Variants in RELCH observed in about 807,000 individuals in gnomAD.
The protein encoded by RELCH is RAB11-binding protein RELCH.
In RELCH, 41 loss-of-function variants were observed where a neutral mutation model predicts 150.3. The ratio of observed to expected loss-of-function variants is 0.27; its 90% confidence interval spans 0.21 to 0.35. RELCH has a LOEUF of 0.35. Ranked by LOEUF, RELCH falls within the 10% of genes least tolerant of loss-of-function variation. RELCH has a pLI of 1.00. For synonymous variants in RELCH, 478 were observed against 531.8 expected, an observed-to-expected ratio of 0.90 and a Z score of 1.39; for missense variants, 1,092 against 1,467.8, an observed-to-expected ratio of 0.74 and a Z score of 4.18.
intron 26 of RELCH, 23 bp from the exon 27 acceptor site, chr18:62,291,520 T>C: frequency 6.6e-7 from 1 of 1,514,238 alleles, no homozygotes; most frequent in Non-Finnish European, 9.1e-7. Flanking sequence ...TTTGTTTAAT[T>C]CCCTTAACTA....
At chr18:62,205,081 A>T (rs1041259098) in intron 1 of RELCH, among the ~76,000 whole-genome samples, 1 of 152,216 alleles carries the variant, frequency 6.6e-6, no homozygotes, top group African/African-American at 2.4e-5. Flanking sequence ...TCATATCAAT[A>T]CATCTTTTCA....
chr18:62,187,624 G>C lies in RELCH; in HGVS notation c.119G>C (p.Arg40Pro), dbSNP rs949180728. The change falls in exon 1 of 29, where the codon CGG (arginine) becomes CCG (proline). Residue 40 changes from arginine (R) to proline (P), a missense_variant. Coordinates refer to ENST00000644646, the MANE Select transcript of RELCH (RefSeq NM_001346231.2). ...AATEERRAVL[R>P]LGAGSGLDPG... ...ACAGAGGAACGGCGGGCAGTACTTC[G>C]GCTGGGCGCCGGAAGTGGCCTAGAT... The C allele has an allele frequency of 2.0e-6, 3 of 1,536,890 alleles. No individual in the cohort carries two copies. In the African/African-American group the frequency reaches 4.1e-5, roughly 21 times the overall value.
chr18:62,204,768 A>G (rs1301143070), intron 1 of RELCH, among the ~76,000 whole-genome samples: 1 of 152,214 alleles, frequency 6.6e-6, no homozygotes, highest in Non-Finnish European at 1.5e-5. Context: ...TATCCACAAT[A>G]TTTTGAAATT....
intron 19 of RELCH, among the ~76,000 whole-genome samples, chr18:62,267,790 AG>A (rs1166492389): frequency 2.6e-5 from 4 of 151,876 alleles, no homozygotes; most frequent in African/African-American, 7.2e-5. Context: ...TGAAGAAAAA[AG>A]GTAAATATTT....
chr18:62,253,813 C>G (rs2042854776), intron 12 of RELCH, among the ~76,000 whole-genome samples: 1 of 152,128 alleles, frequency 6.6e-6, no homozygotes, highest in Non-Finnish European at 1.5e-5. Context: ...GGGTGAGGTT[C>G]TAATCACTTG....
chr18:62,205,387 C>T (rs1599817326), intron 1 of RELCH, among the ~76,000 whole-genome samples: 1 of 152,172 alleles, frequency 6.6e-6, no homozygotes, highest in African/African-American at 2.4e-5. Flanking sequence ...CCTACCCCTT[C>T]TAGCCCTTTA....
At chr18:62,271,912 A>G (rs1223794942) in intron 20 of RELCH, among the ~76,000 whole-genome samples, 1 of 151,956 alleles carries the variant, frequency 6.6e-6, no homozygotes, top group East Asian at 1.9e-4. Context: ...GTGTGGTGTT[A>G]TTTCTGAGGC....
At chr18:62,217,802 T>G (rs2040579989) in intron 2 of RELCH, among the ~76,000 whole-genome samples, 1 of 151,884 alleles carries the variant, frequency 6.6e-6, no homozygotes, top group South Asian at 2.1e-4. Context: ...AACTTTGAGA[T>G]GAGTGATAGA....
At chr18:62,211,489 T>C (rs931548350) in intron 2 of RELCH, among the ~76,000 whole-genome samples, 2 of 152,202 alleles carry the variant, frequency 1.3e-5, no homozygotes, top group Non-Finnish European at 2.9e-5. Context: ...AGCCAGCAGT[T>C]TACAACCACA....
intron 11 of RELCH, among the ~76,000 whole-genome samples, chr18:62,252,130 G>C (rs1160037406): frequency 2.6e-5 from 4 of 151,494 alleles, no homozygotes; most frequent in Non-Finnish European, 5.9e-5. Flanking sequence ...CGAGTAGCTG[G>C]GACTACAGTC....
At chr18:62,241,704 A>G (rs1186151545) in intron 10 of RELCH, among the ~76,000 whole-genome samples, 5 of 152,138 alleles carry the variant, frequency 3.3e-5, no homozygotes, top group African/African-American at 1.2e-4. Flanking sequence ...TTTTAAGACT[A>G]TACTTTTTCA....
At chr18:62,233,619 A>T (rs2148444376) in intron 10 of RELCH, among the ~76,000 whole-genome samples, 1 of 152,096 alleles carries the variant, frequency 6.6e-6, no homozygotes, top group East Asian at 1.9e-4. Flanking sequence ...GTCTTGAAGG[A>T]TCAGTGTCCA....
At chr18:62,275,170 C>T (rs570710447) in intron 21 of RELCH, among the ~76,000 whole-genome samples, 4 of 152,290 alleles carry the variant, frequency 2.6e-5, no homozygotes, top group African/African-American at 7.2e-5. Flanking sequence ...CCACCTTATC[C>T]TCTCAAAGTG....
At chr18:62,273,444 A>AT (rs2144840539) in intron 20 of RELCH, among the ~76,000 whole-genome samples, 1 of 152,172 alleles carries the variant, frequency 6.6e-6, no homozygotes, top group Admixed American at 6.5e-5. Flanking sequence ...ATTTTCTACT[A>AT]TTTTTTCTAC....
chr18:62,251,613 A>G (rs1279750973), intron 11 of RELCH, among the ~76,000 whole-genome samples: 1 of 152,194 alleles, frequency 6.6e-6, no homozygotes, highest in African/African-American at 2.4e-5. Context: ...ACTCAAAGAG[A>G]TGCGATCATT....
At chr18:62,257,256 A>C (rs1218942503) in intron 13 of RELCH, among the ~76,000 whole-genome samples, 4 of 152,214 alleles carry the variant, frequency 2.6e-5, no homozygotes, top group South Asian at 2.1e-4. Context: ...ACTCTTTATC[A>C]TAACTGGAAA....
At chr18:62,197,057 A>C (rs1037019941) in intron 1 of RELCH, among the ~76,000 whole-genome samples, 6 of 152,182 alleles carry the variant, frequency 3.9e-5, no homozygotes, top group Non-Finnish European at 5.9e-5. Flanking sequence ...CTTTATCCTG[A>C]GTAAGGAAAG....
At chr18:62,258,825 C>A in intron 15 of RELCH, 149 bp downstream of exon 15, 1 of 525,214 alleles carries the variant, frequency 1.9e-6, no homozygotes, top group Non-Finnish European at 3.2e-6. Flanking sequence ...TGGACTGGAG[C>A]CAAGAAAGAG....
intron 2 of RELCH, among the ~76,000 whole-genome samples, chr18:62,211,852 T>A (rs1166909126): frequency 6.6e-6 from 1 of 152,012 alleles, no homozygotes; most frequent in African/African-American, 2.4e-5. Context: ...TTGCCTTGAG[T>A]TCCCTGAGTG....
Sources: gnomAD v4.1 joint callset for allele counts (sites outside exome capture counted in the v4.1 genomes callset) on GRCh38, gnomAD v4.1.1 for gene constraint, MANE v1.5 for transcripts, NCBI Gene and HGNC (gene_info 2026-07-23, HGNC 2026-07-21) for gene names.